The following DONSON variants were observed in gnomAD, a reference collection of about 807,000 sequenced individuals.
DONSON encodes DNA replication fork stabilization factor DONSON, also known as protein downstream neighbor of Son.
Under a neutral mutation model 62.1 loss-of-function variants are expected in DONSON, and 43 were observed. The observed-to-expected ratio is 0.69, with a 90% CI of 0.54 to 0.89. The LOEUF (loss-of-function observed/expected upper bound fraction) is 0.89, where lower values mean the gene tolerates loss of function less well. DONSON is among the 40% of genes least tolerant of loss of function. The probability of loss-of-function intolerance (pLI) is 0.00; values close to 1 mark genes in which losing one functional copy is unlikely to be tolerated. For missense variants in DONSON, 696 were observed against 697.5 expected (o/e 1.00, Z 0.03); for synonymous variants, 266 against 264.6 (o/e 1.01, Z -0.05).
intron 8 of DONSON, 134 bp downstream of exon 8, chr21:33,581,168 T>C: frequency 1.3e-6 from 1 of 798,346 alleles, no homozygotes; most frequent in Non-Finnish European, 1.9e-6. Context: ...TTTTTGTTTC[T>C]TTTTTTAATG....
rs527657255 is a variant in DONSON, at chr21:33,580,652, G to A, written c.1350+650C>T. 4.6e-5 allele frequency among the ~76,000 whole-genome samples: 7 copies of A among 151,062 alleles called. No individual in the cohort carries two copies. In the South Asian group the frequency reaches 1.3e-3, roughly 27 times the overall value. On this transcript the variant is annotated intron_variant, in intron 8 of 9. Coordinates refer to ENST00000303071, the MANE Select transcript of DONSON (RefSeq NM_017613.4). ...AACCAAAAAAAGAAAATAAATGTTC[G>A]TATAATTTAAAAAGAGGCCAGGAGT...
chr21:33,584,041 T>TATAC (rs2086549219), intron 4 of DONSON, among the ~76,000 whole-genome samples: 1 of 124,232 alleles, frequency 8.0e-6, no homozygotes, highest in African/African-American at 3.0e-5. Flanking sequence ...TATATATATA[T>TATAC]ATATACTTTT....
rs1403830267 is a variant in DONSON at position 33,588,444 on chromosome 21, A to G, written c.198T>C (p.Gly66=). 1.5e-6 allele frequency: 2 copies of G among 1,311,220 alleles called. No homozygotes were observed. Among genetic ancestry groups the G allele is most frequent in the Non-Finnish European group, 9.7e-7 (1 of 1,031,042 alleles). The allele number at this position is 1,311,220 out of a possible 1,614,324, so 81.2% of individuals were successfully genotyped here. ...CAGCGGCCGGGCCGCCGCCGCTGCC[A>G]CCGCCTCTGCCCCCCGCAGCAGGGA... ...RPFPAAGGRG[G]GSGGGPAAAR... The change falls in exon 1 of 10, where the codon GGT becomes GGC. Residue 66 remains glycine, a synonymous_variant. Transcript: ENST00000303071.
At position 33,578,407 on chromosome 21, in the gene DONSON, T is replaced by C. The variant is rs1161809165; in HGVS notation, c.1601A>G (p.His534Arg). ...VHKELTNCGL[H>R]PNTLEQLSQI... ...ACTAAGTTGCTCCAGAGTGTTAGGG[T>C]GCAAACCACAGTTAGTAAGCTCCTT... Residue 534 changes from histidine (H) to arginine (R), a missense_variant, in exon 10 of 10, where the codon CAC becomes CGC. Coordinates refer to ENST00000303071, the MANE Select transcript of DONSON (RefSeq NM_017613.4). The C allele has an allele frequency of 5.6e-6, 9 of 1,613,790 alleles. No individual in the cohort carries two copies. The highest frequency in any genetic ancestry group is 7.6e-6 in the Non-Finnish European group (9 of 1,179,822).
In DONSON at chr21:33,578,223, A is replaced by G; in HGVS notation, c.*84T>C. 2 of 1,432,532 alleles carry G rather than the reference A, an allele frequency of 1.4e-6. No homozygotes were observed. The highest frequency in any genetic ancestry group is 1.9e-6 in the Non-Finnish European group (2 of 1,045,816). 88.7% of individuals were successfully genotyped at this position (1,432,532 alleles called of 1,614,324 possible). A position where few individuals can be genotyped will look rare whatever the true frequency, so the allele number is the denominator to read the frequency against. ...AAGTTATGTTTATAAACATTTCAGTATATTCCTTCAACTTCAAGAATCTTG... is the reference window on the plus strand; with the variant it reads ...AAGTTATGTTTATAAACATTTCAGTGTATTCCTTCAACTTCAAGAATCTTG... On this transcript the variant is annotated 3_prime_UTR_variant, in exon 10 of 10. Transcript: ENST00000303071.
chr21:33,583,336 G>A, intron 5 of DONSON, 152 bp downstream of exon 5: 1 of 620,458 alleles, frequency 1.6e-6, no homozygotes, highest in Non-Finnish European at 2.5e-6. Flanking sequence ...AAATAATTGT[G>A]GGGGAGGGAA....
Position 33,588,644 on chromosome 21 carries a change from C to A in DONSON, c.-3G>T. The A allele has an allele frequency of 2.4e-6, 3 of 1,233,470 alleles. No homozygotes were observed. The highest frequency in any genetic ancestry group is 3.1e-4 in the Middle Eastern group (1 of 3,184). 76.4% of individuals were successfully genotyped at this position (1,233,470 alleles called of 1,614,324 possible). ...TAGCCGGGCACCGAAAGGGCCATGA[C>A]GCGCGGCGGCTGAGGGTAGCCGGCC... On this transcript the variant is annotated 5_prime_UTR_variant, in exon 1 of 10. Transcript: ENST00000303071.
At chr21:33,588,145 A>G (rs2086601660) in intron 1 of DONSON, among the ~76,000 whole-genome samples, 176 bp downstream of exon 1, 1 of 151,854 alleles carries the variant, frequency 6.6e-6, no homozygotes, top group Non-Finnish European at 1.5e-5. Context: ...CTTCCCACAA[A>G]CCCGGCCTTG....
chr21:33,583,200 CAAAAAAAA>C (rs552034893), intron 5 of DONSON, among the ~76,000 whole-genome samples: 20,785 of 59,076 alleles, frequency 0.35, 2,658 homozygotes, highest in South Asian at 0.41. Flanking sequence ...GTCTCCATCT[CAAAAAAAA>C]AAAAAAAAAA....
chr21:33,577,646 CACACACACACACACACACACACACA>C lies in DONSON; in HGVS notation c.*636_*660del. 1.3e-5 allele frequency: 1 copy of C among 77,066 alleles called. No individual in the cohort carries two copies. The highest frequency in any genetic ancestry group is 2.7e-4 in the East Asian group (1 of 3,666). The allele number at this position is 77,066 out of a possible 1,614,324, so 4.8% of individuals were successfully genotyped here. A position where few individuals can be genotyped will look rare whatever the true frequency, so the allele number is the denominator to read the frequency against. ...ACACACACACACACACACACACACA[CACACACACACACACACACACACACA>C]CACACACACACACACACACACACAC... On this transcript the variant is annotated 3_prime_UTR_variant, in exon 10 of 10. Transcript: ENST00000303071.
intron 5 of DONSON, among the ~76,000 whole-genome samples, chr21:33,583,045 C>A (rs1399618447): frequency 6.6e-6 from 1 of 151,240 alleles, no homozygotes; most frequent in Non-Finnish European, 1.5e-5. Flanking sequence ...ACTAAAAATA[C>A]AAAAAATTAG....
Position 33,583,543 on chromosome 21 carries a change from G to A in DONSON, c.909C>T (p.Ile303=). 2.5e-6 allele frequency: 4 copies of A among 1,613,956 alleles called. No individual in the cohort carries two copies. The highest frequency in any genetic ancestry group is 3.4e-6 in the Non-Finnish European group (4 of 1,179,970). ...RAAGLAGSDL[I]TALISPTTRG... ...GAGTTGTTGGAGATATGAGAGCTGT[G>A]ATTAAGTCACTTCCAGCTAATCCTG... The change falls in exon 5 of 10, where the codon ATC becomes ATT. Residue 303 remains isoleucine (I), a synonymous_variant. Coordinates refer to ENST00000303071, the MANE Select transcript of DONSON (RefSeq NM_017613.4).
At chr21:33,588,196 G>T (rs2086602829) in intron 1 of DONSON, 125 bp downstream of exon 1, 2 of 812,246 alleles carry the variant, frequency 2.5e-6, no homozygotes, top group Admixed American at 4.4e-5. Context: ...CTAAGGCCAC[G>T]GGCGGCCGAA....
chr21:33,579,280 G>T, intron 9 of DONSON, 70 bp downstream of exon 9: 1 of 1,183,820 alleles, frequency 8.4e-7, no homozygotes, highest in South Asian at 1.9e-5. Flanking sequence ...CAGCATAAAT[G>T]ACTCAATTTC....
chr21:33,586,193 AAAG>A lies in DONSON; in HGVS notation c.403-15_403-13del. On this transcript the variant is annotated splice_polypyrimidine_tract_variant and intron_variant, in intron 2 of 9. Transcript: ENST00000303071. ...GATACATGTGAAGTCTTTAGAAAAC[AAAG>A]AATGCAAAAATTAGTCGAGTATCAA... The A allele has an allele frequency of 1.9e-6, 3 of 1,611,574 alleles. No individual in the cohort carries two copies. The highest frequency in any genetic ancestry group is 2.5e-6 in the Non-Finnish European group (3 of 1,177,934).
Position 33,581,422 on chromosome 21 carries a change from T to C in DONSON, c.1230A>G (p.Thr410=). The C allele has an allele frequency of 9.3e-6, 15 of 1,614,122 alleles. No individual in the cohort carries two copies. Among genetic ancestry groups the C allele is most frequent in the South Asian group, 3.3e-5 (3 of 91,084 alleles). ...VVLVKGINTF[T]LLNFLINSKS... ...TAGAGTTAATCAAAAAATTGAGCAA[T>C]GTAAAGGTGTTGATTCCTTTTACCA... Residue 410 remains threonine (T), a synonymous_variant, in exon 8 of 10, where the codon ACA becomes ACG. Transcript: ENST00000303071.
At position 33,579,331 on chromosome 21, in the gene DONSON, C is replaced by G. The variant is rs913212639; in HGVS notation, c.1563+19G>C. Reference sequence around the variant, plus strand: ...AGGAAACTACAACTAAAACAGTCTGCTCATAGGTGTCTACTTACCATATCA... The same window carrying G: ...AGGAAACTACAACTAAAACAGTCTGGTCATAGGTGTCTACTTACCATATCA... On this transcript the variant is annotated intron_variant, in intron 9 of 9. Transcript: ENST00000303071. 2.6e-6 allele frequency: 4 copies of G among 1,554,658 alleles called. No homozygotes were observed. In the Admixed American group the frequency reaches 5.4e-5, roughly 21 times the overall value.
At position 33,588,663 on chromosome 21, in the gene DONSON, G is replaced by C. The variant is rs1247790010; in HGVS notation, c.-22C>G. On this transcript the variant is annotated 5_prime_UTR_variant, in exon 1 of 10. Transcript: ENST00000303071. ...CCATGACGCGCGGCGGCTGAGGGTAGCCGGCCGCCCTACAGAGACTTCCCG... is the reference window on the plus strand; with the variant it reads ...CCATGACGCGCGGCGGCTGAGGGTACCCGGCCGCCCTACAGAGACTTCCCG... 8.1e-7 allele frequency: 1 copy of C among 1,229,888 alleles called. No individual in the cohort carries two copies. The highest frequency in any genetic ancestry group is 1.0e-6 in the Non-Finnish European group (1 of 985,712). The allele number at this position is 1,229,888 out of a possible 1,614,324, so 76.2% of individuals were successfully genotyped here.
At chr21:33,579,819 GATTT>G (rs2086485192) in intron 8 of DONSON, among the ~76,000 whole-genome samples, 1 of 152,046 alleles carries the variant, frequency 6.6e-6, no homozygotes, top group African/African-American at 2.4e-5. Context: ...TATTTTATCT[GATTT>G]AGTAATACAC....
Sources: gnomAD v4.1 joint callset for allele counts (sites outside exome capture counted in the v4.1 genomes callset) on GRCh38, gnomAD v4.1.1 for gene constraint, MANE v1.5 for transcripts, NCBI Gene and HGNC (gene_info 2026-07-23, HGNC 2026-07-21) for gene names.